Variants in CD247 observed in about 807,000 individuals in gnomAD.
CD247 encodes the protein CD247 molecule.
A neutral mutation model predicts 30.0 loss-of-function variants in CD247; 13 were observed. The ratio of observed to expected loss-of-function variants is 0.43; its 90% CI spans 0.28 to 0.69. The LOEUF (loss-of-function observed/expected upper bound fraction) is 0.69. CD247 is among the 30% of genes least tolerant of loss of function. CD247 has a pLI of 0.16. For synonymous variants in CD247, 72 were observed against 80.0 expected (o/e 0.90, Z 0.53); for missense variants, 193 against 212.6 (o/e 0.91, Z 0.57).
At chr1:167,517,722 C>T (rs894137513) in intron 1 of CD247, among the ~76,000 whole-genome samples, 1 of 152,134 alleles carries the variant, frequency 6.6e-6, no homozygotes, top group Non-Finnish European at 1.5e-5. Context: ...AGTCACGGAG[C>T]CTGGGATGGT....
At chr1:167,476,276 C>T (rs1334042277) in intron 1 of CD247, among the ~76,000 whole-genome samples, 1 of 152,104 alleles carries the variant, frequency 6.6e-6, no homozygotes, top group Non-Finnish European at 1.5e-5. Context: ...CTCTTATACC[C>T]TCTGGTACAC....
intron 1 of CD247, 67 bp from the exon 2 acceptor site, chr1:167,440,834 G>T: frequency 2.1e-6 from 2 of 957,354 alleles, no homozygotes; most frequent in Non-Finnish European, 3.3e-6. Flanking sequence ...ATTACCCCAG[G>T]GTGGCACTAG....
intron 1 of CD247, among the ~76,000 whole-genome samples, chr1:167,464,171 C>A (rs1429166221): frequency 6.6e-6 from 1 of 152,106 alleles, no homozygotes. Flanking sequence ...TTTTTAAGTT[C>A]TCTTCCTTAG....
chr1:167,433,958 A>C, intron 6 of CD247, 62 bp downstream of exon 6: 1 of 1,401,230 alleles, frequency 7.1e-7, no homozygotes, highest in Non-Finnish European at 1.0e-6. Flanking sequence ...GGAGGCCTGC[A>C]GCAGGCGTGT....
chr1:167,503,020 G>T (rs1247862334), intron 1 of CD247, among the ~76,000 whole-genome samples: 1 of 152,192 alleles, frequency 6.6e-6, no homozygotes, highest in Non-Finnish European at 1.5e-5. Context: ...AATGAATACA[G>T]TAAGAACATG....
At chr1:167,508,843 T>C (rs920389071) in intron 1 of CD247, among the ~76,000 whole-genome samples, 5 of 152,154 alleles carry the variant, frequency 3.3e-5, no homozygotes, top group African/African-American at 1.2e-4. Flanking sequence ...AAATTTAGAC[T>C]TTTTTGCAAA....
intron 1 of CD247, among the ~76,000 whole-genome samples, chr1:167,463,938 T>A (rs1653131347): frequency 6.6e-6 from 1 of 152,150 alleles, no homozygotes; most frequent in South Asian, 2.1e-4. Flanking sequence ...GTTTGCTGAC[T>A]TAAAAAGCAC....
intron 2 of CD247, 113 bp from the exon 3 acceptor site, chr1:167,439,513 A>G: frequency 1.1e-6 from 1 of 900,794 alleles, no homozygotes; most frequent in Non-Finnish European, 1.8e-6. Flanking sequence ...CTTGGCAACT[A>G]ACAATGCTGC....
Position 167,440,479 on chromosome 1 carries a change from C to T in CD247, c.162+185G>A, listed in dbSNP as rs1651775667. 3 of 652,768 alleles carry T rather than the reference C, an allele frequency of 4.6e-6. No individual in the cohort carries two copies. The East Asian group carries it at 8.2e-5, about 18-fold the overall frequency. 40.4% of individuals were successfully genotyped at this position (652,768 alleles called of 1,614,324 possible). ...GCTCTCCCTCCTACCCTGTCCATCT[C>T]AGCCAGACACTGCCACCTCCTCCTC... On this transcript the variant is annotated intron_variant, in intron 2 of 7. Transcript: ENST00000362089.
intron 1 of CD247, among the ~76,000 whole-genome samples, chr1:167,459,212 G>A (rs975160816): frequency 6.6e-6 from 1 of 151,816 alleles, no homozygotes; most frequent in African/African-American, 2.4e-5. Flanking sequence ...AAATAATACA[G>A]TCAATATGTT....
chr1:167,503,125 T>C (rs1189713913), intron 1 of CD247, among the ~76,000 whole-genome samples: 1 of 152,170 alleles, frequency 6.6e-6, no homozygotes, highest in Non-Finnish European at 1.5e-5. Flanking sequence ...CAGGAAACTG[T>C]GGAACAGCTA....
At position 167,470,552 on chromosome 1, in the gene CD247, G is replaced by A. The variant is rs77025496; in HGVS notation, c.59-29785C>T. On this transcript the variant is annotated intron_variant, in intron 1 of 7. Coordinates refer to ENST00000362089, the MANE Select transcript of CD247 (RefSeq NM_198053.3). ...AGAAACAAGGAAAATACAGAAAAGC[G>A]TGGAAAAGAAAATAAAAATTAGCCA... is the stretch of plus-strand genomic sequence containing the variant. 3.9e-3 allele frequency among the ~76,000 whole-genome samples: 567 copies of A among 146,538 alleles called. 2 individuals carry two copies. Among genetic ancestry groups the A allele is most frequent in the Non-Finnish European group, 6.7e-3 (450 of 67,052 alleles).
At chr1:167,502,240 A>T (rs1654944863) in intron 1 of CD247, among the ~76,000 whole-genome samples, 1 of 152,224 alleles carries the variant, frequency 6.6e-6, no homozygotes, top group Non-Finnish European at 1.5e-5. Context: ...CTCAACACCC[A>T]TTGAGCCACG....
At chr1:167,452,471 T>C (rs148970875) in intron 1 of CD247, among the ~76,000 whole-genome samples, 1 of 147,514 alleles carries the variant, frequency 6.8e-6, no homozygotes, top group Non-Finnish European at 1.5e-5. Context: ...GAAGATGCCG[T>C]GAAGATGATG....
chr1:167,488,384 G>A (rs1346847067), intron 1 of CD247, among the ~76,000 whole-genome samples: 1 of 152,236 alleles, frequency 6.6e-6, no homozygotes, highest in Non-Finnish European at 1.5e-5. Context: ...CAGAAAGATT[G>A]GGCTCAACTC....
chr1:167,460,478 C>T (rs926717818), intron 1 of CD247, among the ~76,000 whole-genome samples: 4 of 152,140 alleles, frequency 2.6e-5, no homozygotes, highest in African/African-American at 7.2e-5. Flanking sequence ...GGGCAATATA[C>T]CTGTGCTTCA....
intron 1 of CD247, among the ~76,000 whole-genome samples, chr1:167,481,510 C>T (rs980131488): frequency 2.6e-5 from 4 of 152,142 alleles, no homozygotes; most frequent in Non-Finnish European, 5.9e-5. Context: ...GAGAAACATA[C>T]ATTTTGGTGC....
intron 1 of CD247, among the ~76,000 whole-genome samples, chr1:167,504,045 GA>G (rs1655016662): frequency 1.3e-5 from 2 of 152,140 alleles, no homozygotes; most frequent in Non-Finnish European, 2.9e-5. Flanking sequence ...ATATGAGGGA[GA>G]CCCTTACCTC....
chr1:167,469,107 C>T (rs1308419754), intron 1 of CD247, among the ~76,000 whole-genome samples: 4 of 152,142 alleles, frequency 2.6e-5, no homozygotes, highest in Non-Finnish European at 4.4e-5. Flanking sequence ...CTCAGCCACC[C>T]GAGTAGCTAG....
Sources: gnomAD v4.1 joint callset for allele counts (sites outside exome capture counted in the v4.1 genomes callset) on GRCh38, gnomAD v4.1.1 for gene constraint, MANE v1.5 for transcripts, NCBI Gene and HGNC (gene_info 2026-07-23, HGNC 2026-07-21) for gene names.